The following HORMAD2 variants were observed in gnomAD, a reference collection of about 807,000 sequenced individuals.
The protein encoded by HORMAD2 is HORMA domain-containing protein 2.
In HORMAD2, 45 loss-of-function variants were observed where a neutral mutation model predicts 38.8. That is an observed-to-expected ratio of 1.16 (90% CI 0.91 to 1.49). The LOEUF (loss-of-function observed/expected upper bound fraction) is 1.49, where lower values mean the gene tolerates loss of function less well. Ranked by LOEUF, HORMAD2 falls within the 40% of genes most tolerant of loss-of-function variation. HORMAD2 has a pLI of 0.00. For synonymous variants in HORMAD2, 126 were observed against 122.8 expected (o/e 1.03, Z -0.17); for missense variants, 338 against 367.0 (o/e 0.92, Z 0.65).
At chr22:30,108,561 A>G (rs1569090376) in intron 5 of HORMAD2, among the ~76,000 whole-genome samples, 1 of 152,074 alleles carries the variant, frequency 6.6e-6, no homozygotes, top group Non-Finnish European at 1.5e-5. Flanking sequence ...TCCCTAGGGA[A>G]GTAAATACTT....
intron 10 of HORMAD2, among the ~76,000 whole-genome samples, chr22:30,166,464 A>T (rs923508507): frequency 6.6e-6 from 1 of 152,218 alleles, no homozygotes; most frequent in African/African-American, 2.4e-5. Context: ...TTTTGATTAA[A>T]TGTAAATGGC....
rs1402184284 is a variant in HORMAD2, at chr22:30,086,742, A to G, written c.-38+6251A>G. Among the ~76,000 whole-genome samples, 3 of 152,160 alleles carry G rather than the reference A, an allele frequency of 2.0e-5. No individual in the cohort carries two copies. In the South Asian group the frequency reaches 6.2e-4, roughly 32 times the overall value. ...TGAGACTGGTTGATTTAAAGTAGAG[A>G]TGACAACAACCTGGCTAAAGTGAGG... On this transcript the variant is annotated intron_variant, in intron 1 of 10. Transcript: ENST00000336726.
At chr22:30,189,642 T>C in the HORMAD2 span, among the ~76,000 whole-genome samples, 1 of 152,096 alleles carries the variant, frequency 6.6e-6, no homozygotes, top group African/African-American at 2.4e-5. Flanking sequence ...ATGGCCTTGC[T>C]CCCTCCTTGC....
intron 10 of HORMAD2, among the ~76,000 whole-genome samples, chr22:30,140,114 A>G (rs562882112): frequency 5.9e-5 from 9 of 152,206 alleles, no homozygotes; most frequent in African/African-American, 2.2e-4. Flanking sequence ...AATGAGTTGA[A>G]TTAGCCCTGC....
rs1044243045 is a variant in HORMAD2, at chr22:30,176,262, A to G, written c.*95A>G. The G allele has an allele frequency of 2.2e-5, 19 of 872,106 alleles. No homozygotes were observed. The highest frequency in any genetic ancestry group is 3.1e-5 in the Non-Finnish European group (18 of 579,724). The allele number at this position is 872,106 out of a possible 1,614,324, so 54.0% of individuals were successfully genotyped here. ...AGCAGGAAAGTACATTCCTGTTACC[A>G]AAACCTTTTTCTAAATTTTTTGCTC... On this transcript the variant is annotated 3_prime_UTR_variant, in exon 11 of 11. Coordinates refer to ENST00000336726, the MANE Select transcript of HORMAD2 (RefSeq NM_152510.4).
intron 10 of HORMAD2, among the ~76,000 whole-genome samples, chr22:30,167,617 T>C (rs1261010365): frequency 2.0e-5 from 3 of 152,114 alleles, no homozygotes; most frequent in Non-Finnish European, 4.4e-5. Flanking sequence ...GACTAGGAAA[T>C]GATGATTTAC....
intron 8 of HORMAD2, among the ~76,000 whole-genome samples, chr22:30,120,021 G>A (rs917657627): frequency 6.6e-6 from 1 of 152,088 alleles, no homozygotes; most frequent in Non-Finnish European, 1.5e-5. Context: ...TTTCATACAC[G>A]TTTTCTCACA....
intron 4 of HORMAD2, 53 bp from the exon 5 acceptor site, chr22:30,104,348 T>A (rs1921027310): frequency 2.0e-6 from 3 of 1,474,122 alleles, no homozygotes; most frequent in Non-Finnish European, 1.9e-6. Context: ...TACTTGGAAT[T>A]TTTTTGGATT....
chr22:30,140,694 A>C (rs549503999), intron 10 of HORMAD2, among the ~76,000 whole-genome samples: 2 of 152,292 alleles, frequency 1.3e-5, no homozygotes, highest in African/African-American at 4.8e-5. Context: ...AGCTGGCTAA[A>C]GGTTTGTCAA....
intron 10 of HORMAD2, among the ~76,000 whole-genome samples, chr22:30,167,607 G>A (rs1185306734): frequency 6.6e-6 from 1 of 152,116 alleles, no homozygotes; most frequent in Non-Finnish European, 1.5e-5. Flanking sequence ...CACCTTTGAT[G>A]ACTAGGAAAT....
intron 10 of HORMAD2, among the ~76,000 whole-genome samples, chr22:30,150,370 T>C (rs914530892): frequency 1.3e-5 from 2 of 152,192 alleles, no homozygotes; most frequent in Non-Finnish European, 2.9e-5. Flanking sequence ...TTTTATGGCA[T>C]CCTGTTCTTG....
At chr22:30,121,578 G>T in intron 8 of HORMAD2, 54 bp from the exon 9 acceptor site, 1 of 1,376,780 alleles carries the variant, frequency 7.3e-7, no homozygotes, top group Non-Finnish European at 9.6e-7. Flanking sequence ...TTCCTTTTGG[G>T]ATAGATTGCC....
intron 10 of HORMAD2, among the ~76,000 whole-genome samples, chr22:30,158,704 T>C (rs1040536902): frequency 4.0e-4 from 60 of 149,598 alleles, no homozygotes; most frequent in African/African-American, 1.4e-3. Context: ...TTTCTTTCTT[T>C]CCAGGGTCTT....
rs761964768 is a variant in HORMAD2, at chr22:30,098,953, C to A, written c.153C>A (p.Gly51=). Residue 51 remains glycine, a synonymous_variant, in exon 3 of 11, where the codon GGC becomes GGA. Transcript: ENST00000336726. ...TCTCATGTATAACATACCTAAGGGG[C>A]CTGTTTCCAGAGAGCTCTTATGGAG... is the stretch of plus-strand genomic sequence containing the variant. ...TSISCITYLR[G]LFPESSYGER... The A allele has an allele frequency of 1.9e-6, 3 of 1,612,624 alleles. No homozygotes were observed. The highest frequency in any genetic ancestry group is 2.7e-5 in the African/African-American group (2 of 74,960).
chr22:30,175,933 CCA>C, intron 10 of HORMAD2, 128 bp from the exon 11 acceptor site: 1 of 616,474 alleles, frequency 1.6e-6, no homozygotes, highest in East Asian at 2.9e-5. Flanking sequence ...CCAAACCAGC[CCA>C]CAGGAAAGCA....
intron 10 of HORMAD2, among the ~76,000 whole-genome samples, chr22:30,171,458 C>T (rs749653598): frequency 1.3e-5 from 2 of 152,086 alleles, no homozygotes; most frequent in Non-Finnish European, 2.9e-5. Context: ...CCATGGTATC[C>T]AATTGGCCAT....
At chr22:30,099,652 C>G (rs1190172485) in intron 3 of HORMAD2, among the ~76,000 whole-genome samples, 2 of 152,064 alleles carry the variant, frequency 1.3e-5, no homozygotes, top group African/African-American at 4.8e-5. Context: ...TTTGGGAGGC[C>G]GAGGCGAGTG....
intron 1 of HORMAD2, among the ~76,000 whole-genome samples, chr22:30,091,116 A>G (rs1420814069): frequency 2.0e-5 from 3 of 152,236 alleles, no homozygotes. Flanking sequence ...ACTTAAAATT[A>G]TATCATCTAG....
intron 10 of HORMAD2, among the ~76,000 whole-genome samples, chr22:30,123,086 T>G (rs1922575255): frequency 6.6e-6 from 1 of 152,212 alleles, no homozygotes; most frequent in African/African-American, 2.4e-5. Context: ...AACTCTGTAT[T>G]ATGTTTAATA....
Sources: allele counts gnomAD v4.1 joint callset (sites outside exome capture counted in the v4.1 genomes callset), GRCh38; gene constraint gnomAD v4.1.1; transcripts MANE v1.5; gene names NCBI Gene and HGNC (gene_info 2026-07-23, HGNC 2026-07-21).